The following CATSPER4 variants were observed in gnomAD, a reference collection of about 807,000 sequenced individuals.
CATSPER4 encodes cation channel sperm-associated protein 4.
Under a neutral mutation model 54.4 loss-of-function variants are expected in CATSPER4, and 46 were observed. That is an observed-to-expected ratio of 0.84 (90% CI 0.67 to 1.08). The LOEUF is 1.08. Ranked by LOEUF, CATSPER4 falls within the 50% of genes least tolerant of loss-of-function variation. The pLI is 0.00. For synonymous variants in CATSPER4, 230 were observed against 231.9 expected (o/e 0.99, Z 0.08); for missense variants, 574 against 612.8 (o/e 0.94, Z 0.67).
intron 1 of CATSPER4, 103 bp from the exon 2 acceptor site, chr1:26,191,184 C>G (rs2088863345): frequency 1.4e-6 from 2 of 1,382,134 alleles, no homozygotes; most frequent in Non-Finnish European, 2.0e-6. Context: ...GATTTCCCCC[C>G]TCTAGAGTGG....
At chr1:26,194,826 C>T (rs918543039) in intron 3 of CATSPER4, among the ~76,000 whole-genome samples, 1 of 152,054 alleles carries the variant, frequency 6.6e-6, no homozygotes, top group African/African-American at 2.4e-5. Flanking sequence ...GTGGCTCATG[C>T]CTGTAATCCC....
At chr1:26,195,471 T>G (rs1278015162) in intron 3 of CATSPER4, among the ~76,000 whole-genome samples, 1 of 151,230 alleles carries the variant, frequency 6.6e-6, no homozygotes, top group African/African-American at 2.4e-5. Flanking sequence ...AGAGGGGAGA[T>G]GGGAGATGCC....
intron 3 of CATSPER4, among the ~76,000 whole-genome samples, chr1:26,194,448 T>C (rs1029919529): frequency 6.6e-6 from 1 of 152,250 alleles, no homozygotes; most frequent in African/African-American, 2.4e-5. Flanking sequence ...ATGTCTTCTC[T>C]TCCAGGAAGT....
intron 2 of CATSPER4, 100 bp from the exon 3 acceptor site, chr1:26,193,687 C>A (rs773600104): frequency 2.5e-6 from 2 of 793,416 alleles, no homozygotes; most frequent in African/African-American, 3.4e-5. Flanking sequence ...AGCAGTGATA[C>A]GGGACTTCCC....
At position 26,202,590 on chromosome 1, in the gene CATSPER4, T is replaced by C. The variant is rs776681427; in HGVS notation, c.*48T>C. The C allele has an allele frequency of 1.8e-5, 27 of 1,535,554 alleles. No individual in the cohort carries two copies. In the Admixed American group the frequency reaches 4.8e-4, roughly 27 times the overall value. ...GGCCTGCACACACACACCCAGCCGC[T>C]GCGTCTTCCTGTGTCCTTAGTGTGG... On this transcript the variant is annotated 3_prime_UTR_variant, in exon 10 of 10. Transcript: ENST00000456354.
rs2089001982 is a variant in CATSPER4, at chr1:26,201,056, T to TG, written c.1199+19dup. ...GAACTCAACATGTAGGGGAGGGTACTGGGGCTGCCCCCAAGTCATGTGAGT... is the reference window on the plus strand; with the variant it reads ...GAACTCAACATGTAGGGGAGGGTACTGGGGGCTGCCCCCAAGTCATGTGAGT... On this transcript the variant is annotated intron_variant, in intron 8 of 9. Transcript: ENST00000456354. 1.9e-6 allele frequency: 3 copies of TG among 1,597,206 alleles called. No homozygotes were observed. The highest frequency in any genetic ancestry group is 2.2e-5 in the South Asian group (2 of 90,782).
chr1:26,192,931 C>A (rs1213878971), intron 2 of CATSPER4, among the ~76,000 whole-genome samples: 1 of 151,682 alleles, frequency 6.6e-6, no homozygotes, highest in Non-Finnish European at 1.5e-5. Flanking sequence ...GTGGTGAAAC[C>A]CCATCTCTAC....
Position 26,200,067 on chromosome 1 carries a change from G to A in CATSPER4, c.987+9G>A, listed in dbSNP as rs370621259. On this transcript the variant is annotated intron_variant, in intron 7 of 9. Transcript: ENST00000456354. ...GAATAACCTTTAGTGAGGTGCGTGG[G>A]ATGGGGAGGGCAGAAGGGAGGAAAA... is the stretch of plus-strand genomic sequence containing the variant. The A allele has an allele frequency of 1.9e-6, 3 of 1,611,562 alleles. 1 individual carries two copies. The highest frequency in any genetic ancestry group is 2.2e-5 in the South Asian group (2 of 90,662).
intron 5 of CATSPER4, 47 bp from the exon 6 acceptor site, chr1:26,198,239 C>G: frequency 1.2e-6 from 2 of 1,614,160 alleles, no homozygotes; most frequent in Non-Finnish European, 1.7e-6. Flanking sequence ...TGTCCTATTT[C>G]CAGGCCCTTT....
chr1:26,201,580 A>G, intron 9 of CATSPER4, 61 bp downstream of exon 9: 1 of 1,553,178 alleles, frequency 6.4e-7, no homozygotes, highest in Admixed American at 1.7e-5. Context: ...AGCCCAGCCC[A>G]GCCGGGCCTC....
intron 3 of CATSPER4, among the ~76,000 whole-genome samples, chr1:26,195,008 C>T (rs866773974): frequency 3.3e-5 from 5 of 152,152 alleles, no homozygotes; most frequent in African/African-American, 9.7e-5. Context: ...CACTTGAACC[C>T]GGGAGGCGGA....
intron 3 of CATSPER4, 102 bp downstream of exon 3, chr1:26,193,990 G>C: frequency 1.2e-6 from 1 of 817,822 alleles, no homozygotes; most frequent in Non-Finnish European, 2.2e-6. Context: ...GTGAGTATGT[G>C]TGTGTGTGTA....
chr1:26,199,035 G>A (rs1308258525), intron 6 of CATSPER4, among the ~76,000 whole-genome samples: 9 of 152,152 alleles, frequency 5.9e-5, no homozygotes, highest in East Asian at 1.9e-4. Context: ...GGCCGGGCGC[G>A]GTGGCTCACG....
At chr1:26,201,691 T>A in intron 9 of CATSPER4, 172 bp downstream of exon 9, 6 of 150,928 alleles carry the variant, frequency 4.0e-5, no homozygotes, top group South Asian at 2.8e-4. Context: ...CTTTCTTTCC[T>A]TTTTTTTTTT....
At chr1:26,197,188 G>A (rs2088952238) in intron 3 of CATSPER4, among the ~76,000 whole-genome samples, 1 of 152,154 alleles carries the variant, frequency 6.6e-6, no homozygotes, top group Admixed American at 6.5e-5. Flanking sequence ...TTACAGGTGT[G>A]AGCCATCGCG....
At position 26,198,286 on chromosome 1, in the gene CATSPER4, G is replaced by A; in HGVS notation, c.679G>A (p.Val227Ile). 1 of 1,614,196 alleles carries A rather than the reference G, an allele frequency of 6.2e-7. No individual in the cohort carries two copies. Among genetic ancestry groups the A allele is most frequent in the Non-Finnish European group, 8.5e-7 (1 of 1,180,036 alleles). Reference protein sequence around the residue: ...IMVLILFFMLVFSVFGVTLFG... With the variant: ...IMVLILFFMLIFSVFGVTLFG... ...GGTGGGGCTCTTTTCTCTCTGACAG[G>A]TTTTTTCCGTGTTTGGAGTAACACT... Residue 227 changes from valine to isoleucine, a missense_variant and splice_region_variant, in exon 6 of 10, where the codon GTT (valine) becomes ATT (isoleucine). By Grantham distance (29) the Val-to-Ile change is conservative. Transcript: ENST00000456354.
At chr1:26,201,283 C>T in intron 8 of CATSPER4, 71 bp from the exon 9 acceptor site, 1 of 1,522,662 alleles carries the variant, frequency 6.6e-7, no homozygotes, top group Non-Finnish European at 9.1e-7. Context: ...GGGGTGACGC[C>T]AGGGAAGAGG....
At chr1:26,193,928 A>G (rs2088904883) in intron 3 of CATSPER4, 40 bp downstream of exon 3, 1 of 1,339,368 alleles carries the variant, frequency 7.5e-7, no homozygotes, top group South Asian at 1.2e-5. Context: ...CCCCCTGGGG[A>G]CTGCACACCA....
intron 7 of CATSPER4, 151 bp downstream of exon 7, chr1:26,200,209 GC>G: frequency 1.2e-6 from 1 of 835,568 alleles, no homozygotes; most frequent in Non-Finnish European, 1.8e-6. Flanking sequence ...CATCTTGAGT[GC>G]CCACCCACCA....
Sources: gnomAD v4.1 joint callset for allele counts (sites outside exome capture counted in the v4.1 genomes callset) on GRCh38, gnomAD v4.1.1 for gene constraint, MANE v1.5 for transcripts, NCBI Gene and HGNC (gene_info 2026-07-23, HGNC 2026-07-21) for gene names.